Variants in GPHN observed in about 807,000 individuals in gnomAD.
GPHN encodes the protein gephyrin.
GPHN carries 17 observed loss-of-function variants against 95.5 expected under a neutral mutation model. The ratio of observed to expected loss-of-function variants is 0.18; its 90% CI spans 0.12 to 0.27. The LOEUF is 0.27. Ranked by LOEUF, GPHN falls within the 10% of genes least tolerant of loss-of-function variation. The pLI, the probability that GPHN is intolerant of heterozygous loss-of-function variation, is 1.00. For missense variants in GPHN, 660 were observed against 978.1 expected (o/e 0.67, Z 4.34); for synonymous variants, 320 against 322.5 (o/e 0.99, Z 0.08).
the GPHN span, chr14:67,301,853 A>C: frequency 3.6e-6 from 4 of 1,123,220 alleles, no homozygotes; most frequent in Non-Finnish European, 4.9e-6. Context: ...TATTAGCTCT[A>C]ATTAATTATA....
intron 9 of GPHN, among the ~76,000 whole-genome samples, chr14:66,987,405 G>A (rs2071098894): frequency 6.6e-6 from 1 of 152,022 alleles, no homozygotes; most frequent in African/African-American, 2.4e-5. Context: ...AGTTATCTCC[G>A]AGTTCAACTT....
the GPHN span, among the ~76,000 whole-genome samples, chr14:67,258,427 T>C: frequency 1.3e-5 from 2 of 152,160 alleles, no homozygotes; most frequent in East Asian, 3.9e-4. Flanking sequence ...TCCCAGCTAC[T>C]TGGGGGATTG....
the GPHN span, among the ~76,000 whole-genome samples, chr14:67,532,307 T>C: frequency 1.3e-5 from 2 of 152,190 alleles, no homozygotes; most frequent in Non-Finnish European, 2.9e-5. Flanking sequence ...GCGCTGATGG[T>C]ATTTTGCTTC....
intron 19 of GPHN, among the ~76,000 whole-genome samples, chr14:67,163,847 T>C (rs372177314): frequency 6.6e-6 from 1 of 150,970 alleles, no homozygotes; most frequent in East Asian, 1.9e-4. Flanking sequence ...TAAAGGGTAA[T>C]TAATAGAAAA....
intron 9 of GPHN, among the ~76,000 whole-genome samples, chr14:66,992,330 A>G (rs1397613461): frequency 6.6e-6 from 1 of 152,180 alleles, no homozygotes; most frequent in East Asian, 1.9e-4. Context: ...ATCTATAAGT[A>G]CTTAACTATA....
chr14:66,895,089 C>T (rs908523503), intron 5 of GPHN, among the ~76,000 whole-genome samples: 1 of 152,182 alleles, frequency 6.6e-6, no homozygotes, highest in African/African-American at 2.4e-5. Flanking sequence ...TTCACAATAG[C>T]AAAGACTTGG....
chr14:66,736,870 T>A (rs1435382813), intron 2 of GPHN, among the ~76,000 whole-genome samples: 1 of 152,194 alleles, frequency 6.6e-6, no homozygotes, highest in African/African-American at 2.4e-5. Context: ...AACCTCTGTT[T>A]CTTATTTTCT....
At chr14:66,746,302 G>A (rs1307800281) in intron 2 of GPHN, among the ~76,000 whole-genome samples, 1 of 152,058 alleles carries the variant, frequency 6.6e-6, no homozygotes, top group Non-Finnish European at 1.5e-5. Flanking sequence ...TCAATCAATT[G>A]TCTTATCCCA....
At chr14:67,249,475 T>TAC in the GPHN span, among the ~76,000 whole-genome samples, 1 of 152,248 alleles carries the variant, frequency 6.6e-6, no homozygotes, top group Non-Finnish European at 1.5e-5. Context: ...ACATAGCAGA[T>TAC]ACTTAATAAA....
At chr14:67,581,116 C>A in the GPHN span, 1 of 873,030 alleles carries the variant, frequency 1.1e-6, no homozygotes. Flanking sequence ...CTCGACTAGA[C>A]AGCCTATCCA....
At chr14:67,256,758 A>G in the GPHN span, among the ~76,000 whole-genome samples, 3 of 151,738 alleles carry the variant, frequency 2.0e-5, no homozygotes, top group Admixed American at 1.3e-4. Flanking sequence ...AAAAAATCTA[A>G]TAGAGTAAGT....
intron 10 of GPHN, among the ~76,000 whole-genome samples, chr14:67,025,808 C>T (rs1436464501): frequency 6.6e-6 from 1 of 152,160 alleles, no homozygotes; most frequent in Non-Finnish European, 1.5e-5. Context: ...AATTGCCATG[C>T]CATTATATGA....
chr14:67,606,297 C>T, the GPHN span, among the ~76,000 whole-genome samples: 5 of 152,156 alleles, frequency 3.3e-5, no homozygotes, highest in Non-Finnish European at 7.3e-5. Context: ...ATTTCTAGAA[C>T]AGTAGAGCTT....
At chr14:67,512,863 G>A in the GPHN span, among the ~76,000 whole-genome samples, 3 of 152,312 alleles carry the variant, frequency 2.0e-5, no homozygotes, top group South Asian at 4.1e-4. Flanking sequence ...GTGCTGCAGC[G>A]AGAGCTTTTC....
the GPHN span, chr14:67,515,264 C>G: frequency 6.5e-6 from 1 of 152,956 alleles, no homozygotes; most frequent in Non-Finnish European, 1.5e-5. Context: ...TGGCTCCCCC[C>G]GCGCCGAGTT....
the GPHN span, chr14:67,488,487 T>G: frequency 2.0e-5 from 3 of 152,266 alleles, no homozygotes; most frequent in Non-Finnish European, 2.9e-5. Flanking sequence ...CCTCCAACCC[T>G]CCCTGATCTG....
intron 1 of GPHN, among the ~76,000 whole-genome samples, chr14:66,535,732 G>C (rs1315031028): frequency 6.6e-6 from 1 of 151,908 alleles, no homozygotes; most frequent in Non-Finnish European, 1.5e-5. Context: ...TATTGTAAAT[G>C]GTATTCGTTA....
At chr14:66,683,143 T>C (rs1330739413) in intron 2 of GPHN, among the ~76,000 whole-genome samples, 1 of 151,354 alleles carries the variant, frequency 6.6e-6, no homozygotes, top group African/African-American at 2.4e-5. Context: ...TGGATTAGTC[T>C]AGTATGTAAG....
chr14:67,554,862 T>C, the GPHN span, among the ~76,000 whole-genome samples: 1 of 152,174 alleles, frequency 6.6e-6, no homozygotes, highest in African/African-American at 2.4e-5. Flanking sequence ...ATTTCCATGC[T>C]CCTCAGCCTT....
Sources: allele counts gnomAD v4.1 joint callset (sites outside exome capture counted in the v4.1 genomes callset), GRCh38; gene constraint gnomAD v4.1.1; transcripts MANE v1.5; gene names NCBI Gene and HGNC (gene_info 2026-07-23, HGNC 2026-07-21).